SFMBT2: variants seen among roughly 807,000 people sequenced by gnomAD.
SFMBT2 encodes Scm like with four mbt domains 2.
Under a neutral mutation model 110.1 loss-of-function variants are expected in SFMBT2, and 38 were observed. The ratio of observed to expected loss-of-function variants is 0.35; its 90% CI spans 0.27 to 0.45. The LOEUF (loss-of-function observed/expected upper bound fraction) is 0.45, where lower values mean the gene tolerates loss of function less well. Among genes scored for constraint, SFMBT2 ranks in the 20% least tolerant of loss-of-function variants. The pLI is 1.00. For missense variants in SFMBT2, 1,011 were observed against 1,094.9 expected (o/e 0.92, Z 1.08); for synonymous variants, 425 against 425.4 (o/e 1.00, Z 0.01).
At position 7,172,089 on chromosome 10, in the gene SFMBT2, G is replaced by A. The variant is rs140909807; in HGVS notation, c.2221C>T (p.Arg741Trp). ...GACGAGGTGTCCGTCTGGTCATCCC[G>A]GAGCTCGGAGCCGGTCTCCTCACTG... is the stretch of plus-strand genomic sequence containing the variant. ...TASEETGSEL[R>W]DDQTDTSSAE... Residue 741 changes from arginine (R) to tryptophan (W), a missense_variant, in exon 19 of 21, where the codon CGG (arginine) becomes TGG (tryptophan). Physicochemically the swap from Arg to Trp is moderately radical, Grantham distance 101. Transcript: ENST00000397167. The surrounding 1 kb of genome is among the most constrained non-coding windows in gnomAD (Gnocchi z 4.6). The A allele has an allele frequency of 2.2e-5, 35 of 1,606,206 alleles. No individual in the cohort carries two copies. Among genetic ancestry groups the A allele is most frequent in the Non-Finnish European group, 2.6e-5 (31 of 1,175,986 alleles).
chr10:7,230,876 G>C (rs1840096892), intron 9 of SFMBT2, among the ~76,000 whole-genome samples: 1 of 152,090 alleles, frequency 6.6e-6, no homozygotes, highest in Admixed American at 6.5e-5. Context: ...AGATTGCTGT[G>C]AGCCAACATC....
rs113066229 is a variant in SFMBT2 at position 7,298,040 on chromosome 10, G to A, written c.437-12086C>T. Among the ~76,000 whole-genome samples the A allele has an allele frequency of 4.2e-3, 639 of 152,334 alleles. 7 individuals carry two copies. The highest frequency in any genetic ancestry group is 0.015 in the African/African-American group (606 of 41,592). ...CTGGGGCTCGCAGGTGAGGCCTGGA[G>A]GTGGTCGTGCTGCTGTTGGCTGCTC... On this transcript the variant is annotated intron_variant, in intron 4 of 20. Transcript: ENST00000397167.
At chr10:7,243,942 G>A (rs1588377715) in intron 8 of SFMBT2, 2 of 245,986 alleles carry the variant, frequency 8.1e-6, no homozygotes, top group African/African-American at 2.3e-5. Context: ...GGAAGAGTGA[G>A]AATGAACAAA....
chr10:7,223,530 C>T (rs990333659), intron 10 of SFMBT2, among the ~76,000 whole-genome samples: 1 of 152,168 alleles, frequency 6.6e-6, no homozygotes, highest in African/African-American at 2.4e-5. Context: ...TCCTTCATTT[C>T]CCTGCCCATC....
At position 7,220,497 on chromosome 10, in the gene SFMBT2, T is replaced by G. The variant is rs1478872425; in HGVS notation, c.1244A>C (p.Glu415Ala). The G allele has an allele frequency of 3.1e-6, 5 of 1,614,008 alleles. No individual in the cohort carries two copies. Among genetic ancestry groups the G allele is most frequent in the Non-Finnish European group, 2.5e-6 (3 of 1,180,012 alleles). The change falls in exon 11 of 21, where the codon GAA becomes GCA. Residue 415 changes from glutamate to alanine, a missense_variant. Glu to Ala is a moderately radical substitution (Grantham distance 107). This residue lies in a region of SFMBT2 where 979 missense variants were observed against 1,016.1 expected (regional missense o/e 0.96). Coordinates refer to ENST00000397167, the MANE Select transcript of SFMBT2 (RefSeq NM_001387889.1). ...SRGFTKNMKL[E>A]AVNPRNPGEL... ...TCCTGGATTCCTGGGGTTCACAGCT[T>G]CAAGTTTCATGTTCTTTGTGAAACC... is the stretch of plus-strand genomic sequence containing the variant.
chr10:7,338,798 G>C (rs376407035), intron 4 of SFMBT2, among the ~76,000 whole-genome samples: 4 of 152,096 alleles, frequency 2.6e-5, no homozygotes, highest in African/African-American at 9.7e-5. Flanking sequence ...ATTCCCCAGC[G>C]GACACATCCT....
intron 9 of SFMBT2, among the ~76,000 whole-genome samples, chr10:7,231,210 C>T (rs1406583941): frequency 6.6e-6 from 1 of 152,176 alleles, no homozygotes; most frequent in Non-Finnish European, 1.5e-5. Flanking sequence ...ACACAATGAT[C>T]CCATCTGTCT....
intron 4 of SFMBT2, among the ~76,000 whole-genome samples, chr10:7,354,205 T>A (rs933769889): frequency 2.6e-5 from 4 of 152,138 alleles, no homozygotes; most frequent in African/African-American, 9.7e-5. Flanking sequence ...GTATTGTTTA[T>A]CCTATCCAAT....
intron 15 of SFMBT2, among the ~76,000 whole-genome samples, 172 bp from the exon 16 acceptor site, chr10:7,188,905 T>C (rs1308940949): frequency 6.6e-6 from 1 of 152,178 alleles, no homozygotes; most frequent in Non-Finnish European, 1.5e-5. Context: ...TAACACTGAG[T>C]TGTTTCACCA....
Position 7,230,589 on chromosome 10 carries a change from T to G in SFMBT2, c.1121-2652A>C, listed in dbSNP as rs1029723911. 6.6e-5 allele frequency among the ~76,000 whole-genome samples: 10 copies of G among 152,308 alleles called. No individual in the cohort carries two copies. In the East Asian group the frequency reaches 1.9e-3, roughly 29 times the overall value. ...GTAATGGGAGGGAGCCAGGAAAAAG[T>G]AGATTAAATCTTCTGTGCCCCACTT... is the stretch of plus-strand genomic sequence containing the variant. On this transcript the variant is annotated intron_variant, in intron 9 of 20. Transcript: ENST00000397167.
At chr10:7,195,406 T>C (rs1038529824) in intron 15 of SFMBT2, among the ~76,000 whole-genome samples, 2 of 152,198 alleles carry the variant, frequency 1.3e-5, no homozygotes, top group South Asian at 2.1e-4. Context: ...ATTTCTCATA[T>C]ATGGAATCTA....
intron 4 of SFMBT2, among the ~76,000 whole-genome samples, chr10:7,299,028 TG>T (rs935212629): frequency 6.6e-6 from 1 of 152,140 alleles, no homozygotes; most frequent in African/African-American, 2.4e-5. Context: ...CTGGCCAACA[TG>T]GCGAAACCCC....
intron 4 of SFMBT2, among the ~76,000 whole-genome samples, chr10:7,345,184 C>A (rs1357768026): frequency 6.6e-6 from 1 of 152,054 alleles, no homozygotes; most frequent in Non-Finnish European, 1.5e-5. Context: ...GCAAGTGAGA[C>A]ACCTTAGAAG....
chr10:7,407,717 C>G (rs990267920), intron 1 of SFMBT2, among the ~76,000 whole-genome samples: 1 of 152,230 alleles, frequency 6.6e-6, no homozygotes, highest in Non-Finnish European at 1.5e-5. Context: ...AGCGAAACTG[C>G]GAGCTGGTCT....
At chr10:7,207,000 C>G (rs1839157132) in intron 11 of SFMBT2, 4 of 839,656 alleles carry the variant, frequency 4.8e-6, no homozygotes, top group Non-Finnish European at 5.7e-6. Flanking sequence ...CCAAGGCCAG[C>G]AAATTGCTTG....
intron 12 of SFMBT2, 160 bp from the exon 13 acceptor site, chr10:7,202,682 C>T: frequency 2.0e-6 from 2 of 985,332 alleles, no homozygotes. Context: ...TCAGTTTCTT[C>T]TAGCATAGGA....
intron 7 of SFMBT2, among the ~76,000 whole-genome samples, chr10:7,260,852 A>T (rs958966940): frequency 1.3e-5 from 2 of 152,102 alleles, no homozygotes; most frequent in Admixed American, 6.6e-5. Flanking sequence ...CAAATACCAT[A>T]CTGAATAGGC....
At chr10:7,395,100 C>A (rs113093589) in intron 1 of SFMBT2, among the ~76,000 whole-genome samples, 3,903 of 152,202 alleles carry the variant, frequency 0.026, 90 homozygotes, top group Non-Finnish European at 0.038. Context: ...GGGTGGATTA[C>A]CTGAGGTCAG....
intron 4 of SFMBT2, chr10:7,286,348 C>T: frequency 1.1e-6 from 1 of 942,452 alleles, no homozygotes. Context: ...CCCCGAATTA[C>T]ATGAACAGTT....
Sources: allele counts gnomAD v4.1 joint callset (sites outside exome capture counted in the v4.1 genomes callset), GRCh38; gene constraint gnomAD v4.1.1; regional missense constraint gnomAD v4.1.1; non-coding constraint Gnocchi (gnomAD v3.1); transcripts MANE v1.5; gene names NCBI Gene and HGNC (gene_info 2026-07-23, HGNC 2026-07-21).